Variants in STAG2 observed in about 807,000 individuals in gnomAD.
STAG2 encodes STAG2 cohesin complex component.
STAG2 carries 14 observed loss-of-function variants against 108.1 expected under a neutral mutation model. The ratio of observed to expected loss-of-function variants is 0.13; its 90% CI spans 0.09 to 0.20. The LOEUF (loss-of-function observed/expected upper bound fraction) is 0.20. STAG2 is among the 10% of genes least tolerant of loss of function. The probability of loss-of-function intolerance (pLI) is 1.00; values close to 1 mark genes in which losing one functional copy is unlikely to be tolerated. For synonymous variants in STAG2, 307 were observed against 302.7 expected (o/e 1.01, Z -0.15); for missense variants, 440 against 940.9 (o/e 0.47, Z 6.96).
At chrX:124,055,727 A>G (rs187102711) in intron 13 of STAG2, among the ~76,000 whole-genome samples, 1 of 111,848 alleles carries the variant, frequency 8.9e-6, no homozygotes, top group African/African-American at 3.2e-5. Flanking sequence ...GGCCATTAGT[A>G]TATTTTGATG....
At chrX:124,060,689 T>C (rs2058351840) in intron 15 of STAG2, among the ~76,000 whole-genome samples, 1 of 109,752 alleles carries the variant, frequency 9.1e-6, no homozygotes, top group African/African-American at 3.3e-5. Context: ...TTTTGGAGGC[T>C]GAGGTGGGTG....
intron 1 of STAG2, among the ~76,000 whole-genome samples, chrX:123,964,145 T>C (rs1431166791): frequency 9.0e-6 from 1 of 110,957 alleles, no homozygotes; most frequent in Non-Finnish European, 1.9e-5. Flanking sequence ...CAGATTGTCT[T>C]ACAGTCTTGG....
At chrX:124,009,359 T>G in intron 1 of STAG2, among the ~76,000 whole-genome samples, 1 of 107,748 alleles carries the variant, frequency 9.3e-6, no homozygotes, top group Admixed American at 1.0e-4. Context: ...AATGTGAGAG[T>G]CCCCTAATGA....
intron 1 of STAG2, among the ~76,000 whole-genome samples, chrX:123,990,139 T>A (rs947341502): frequency 2.7e-5 from 3 of 111,661 alleles, no homozygotes; most frequent in African/African-American, 9.8e-5. Context: ...TAGAAGCGGC[T>A]GGACCAGCGG....
intron 28 of STAG2, among the ~76,000 whole-genome samples, chrX:124,082,259 A>G (rs1316339219): frequency 9.0e-6 from 1 of 111,373 alleles, no homozygotes; most frequent in Non-Finnish European, 1.9e-5. Flanking sequence ...CCTTCTTTCC[A>G]TCTGCATATT....
At chrX:124,002,688 G>T (rs1385341477) in intron 1 of STAG2, among the ~76,000 whole-genome samples, 1 of 110,707 alleles carries the variant, frequency 9.0e-6, no homozygotes, top group East Asian at 2.8e-4. Context: ...GCAATGGCGC[G>T]ATCTTGGCTC....
rs747190556 is a variant in STAG2, at chrX:124,019,552, T to A, written c.-162-1815T>A. On this transcript the variant is annotated intron_variant, in intron 1 of 34. Transcript: ENST00000371145. ...ATGAATTTTCAACATTTAGAGACTT[T>A]AAAAAAATCTTATTTCACTAGGATA... Among the ~76,000 whole-genome samples, 81 of 111,731 alleles carry A rather than the reference T, an allele frequency of 7.2e-4. 1 individual carries two copies. The highest frequency in any genetic ancestry group is 2.4e-3 in the African/African-American group (75 of 30,834).
At chrX:124,083,245 G>T (rs2059009030) in intron 28 of STAG2, among the ~76,000 whole-genome samples, 176 bp from the exon 29 acceptor site, 1 of 111,548 alleles carries the variant, frequency 9.0e-6, no homozygotes, top group African/African-American at 3.3e-5. Context: ...GAAAGTAACA[G>T]TGACATAAAA....
intron 1 of STAG2, among the ~76,000 whole-genome samples, chrX:123,980,438 A>G (rs2054823374): frequency 8.9e-6 from 1 of 111,917 alleles, no homozygotes; most frequent in Non-Finnish European, 1.9e-5. Flanking sequence ...TCAAATTTGA[A>G]AAGAATCCAG....
chrX:124,092,672 C>G (rs1381308719), intron 32 of STAG2, among the ~76,000 whole-genome samples: 1 of 112,512 alleles, frequency 8.9e-6, no homozygotes, highest in East Asian at 2.8e-4. Context: ...TTTCATCTTA[C>G]AATGATTTTT....
At chrX:123,969,728 C>G (rs1437182858) in intron 1 of STAG2, among the ~76,000 whole-genome samples, 1 of 109,538 alleles carries the variant, frequency 9.1e-6, no homozygotes, top group Non-Finnish European at 1.9e-5. Flanking sequence ...TCACTGCAAC[C>G]TCCGCCTCCC....
At chrX:124,071,400 T>C in intron 25 of STAG2, 77 bp downstream of exon 25, 1 of 788,545 alleles carries the variant, frequency 1.3e-6, no homozygotes, top group Admixed American at 3.6e-5. Context: ...TGTACATCGG[T>C]GCACTAAAAT....
At chrX:124,005,079 C>T (rs758321578) in intron 1 of STAG2, among the ~76,000 whole-genome samples, 6 of 111,927 alleles carry the variant, frequency 5.4e-5, no homozygotes, top group African/African-American at 9.7e-5. Context: ...AATCATCTTT[C>T]GATTACTTAT....
Position 124,100,903 on chromosome X carries a change from A to C in STAG2, c.*306A>C. 4.7e-6 allele frequency: 1 copy of C among 213,543 alleles called. No homozygotes were observed. The highest frequency in any genetic ancestry group is 8.5e-6 in the Non-Finnish European group (1 of 118,120). 17.6% of individuals were successfully genotyped at this position (213,543 alleles called of 1,213,427 possible). On this transcript the variant is annotated 3_prime_UTR_variant, in exon 35 of 35. Coordinates refer to ENST00000371145, the MANE Select transcript of STAG2 (RefSeq NM_001042750.2). ...TTTTTTAAAAAAAAAAAAAAACAAA[A>C]TAACAATCTGAAGAGGCATTTGGTA... is the stretch of plus-strand genomic sequence containing the variant.
At chrX:124,048,228 AT>A (rs1422069316) in intron 9 of STAG2, among the ~76,000 whole-genome samples, 1 of 111,831 alleles carries the variant, frequency 8.9e-6, no homozygotes, top group Non-Finnish European at 1.9e-5. Context: ...CTAATTTTAA[AT>A]TGGTTATTTC....
chrX:123,967,327 G>A (rs1207942731), intron 1 of STAG2, among the ~76,000 whole-genome samples: 2 of 94,519 alleles, frequency 2.1e-5, no homozygotes, highest in Non-Finnish European at 4.1e-5. Flanking sequence ...GTGCAATGGT[G>A]CGATCTTGGC....
At chrX:124,053,883 AT>A (rs2058113746) in intron 13 of STAG2, among the ~76,000 whole-genome samples, 1 of 112,515 alleles carries the variant, frequency 8.9e-6, no homozygotes, top group Non-Finnish European at 1.9e-5. Context: ...GAAATCTGTA[AT>A]AATAGGAAAA....
intron 10 of STAG2, among the ~76,000 whole-genome samples, chrX:124,049,526 C>G (rs1047866875): frequency 1.8e-5 from 2 of 111,875 alleles, no homozygotes; most frequent in African/African-American, 6.5e-5. Flanking sequence ...GTAACCTATT[C>G]TTAAATTTTG....
At chrX:124,008,809 T>C (rs1212875458) in intron 1 of STAG2, among the ~76,000 whole-genome samples, 1 of 112,084 alleles carries the variant, frequency 8.9e-6, no homozygotes, top group African/African-American at 3.2e-5. Flanking sequence ...TGCATATGAA[T>C]AATCTTCTCA....
Sources: allele counts gnomAD v4.1 joint callset (sites outside exome capture counted in the v4.1 genomes callset), GRCh38; gene constraint gnomAD v4.1.1; transcripts MANE v1.5; gene names NCBI Gene and HGNC (gene_info 2026-07-23, HGNC 2026-07-21).